The following TRPM4 variants were observed in gnomAD, a reference collection of about 807,000 sequenced individuals.
The protein encoded by TRPM4 is transient receptor potential cation channel subfamily M member 4, also known as calcium-activated non-selective cation channel 1.
Under a neutral mutation model 135.6 loss-of-function variants are expected in TRPM4, and 124 were observed. The observed-to-expected ratio is 0.91, with a 90% CI of 0.79 to 1.06. TRPM4 has a LOEUF of 1.06. Ranked by LOEUF, TRPM4 falls within the 50% of genes least tolerant of loss-of-function variation. The probability of loss-of-function intolerance (pLI) is 0.00; values close to 1 mark genes in which losing one functional copy is unlikely to be tolerated. For missense variants in TRPM4, 1,658 were observed against 1,671.4 expected (o/e 0.99, Z 0.14); for synonymous variants, 745 against 705.6 (o/e 1.06, Z -0.88).
At chr19:49,197,393 T>G (rs770463973) in intron 17 of TRPM4, among the ~76,000 whole-genome samples, 1 of 150,516 alleles carries the variant, frequency 6.6e-6, no homozygotes, top group Non-Finnish European at 1.5e-5. Flanking sequence ...CTTTCTCTTT[T>G]CTTTTCCTTT....
At chr19:49,185,363 C>T (rs1467680714) in intron 12 of TRPM4, among the ~76,000 whole-genome samples, 1 of 152,144 alleles carries the variant, frequency 6.6e-6, no homozygotes, top group Non-Finnish European at 1.5e-5. Context: ...ATCCTCCCAC[C>T]TCAGCCTCCT....
rs754161584 is a variant in TRPM4 at position 49,200,439 on chromosome 19, C to T, written c.2778+7C>T. 1 of 1,603,048 alleles carries T rather than the reference C, an allele frequency of 6.2e-7. No individual in the cohort carries two copies. The highest frequency in any genetic ancestry group is 8.5e-7 in the Non-Finnish European group (1 of 1,175,860). On this transcript the variant is annotated splice_region_variant and intron_variant, in intron 18 of 24. Transcript: ENST00000252826. ...CGTCATCGTGAGCAAGATGGTGAGG[C>T]AGGGGCGGGGCCAAAGTGGGCGGGG...
chr19:49,189,528 A>G (rs1447742943), intron 14 of TRPM4, among the ~76,000 whole-genome samples: 2 of 144,972 alleles, frequency 1.4e-5, no homozygotes, highest in Non-Finnish European at 3.0e-5. Flanking sequence ...GAATGGCCTC[A>G]CTGAACAATT....
At chr19:49,175,161 C>T (rs372299893) in intron 9 of TRPM4, among the ~76,000 whole-genome samples, 7 of 150,324 alleles carry the variant, frequency 4.7e-5, no homozygotes, top group South Asian at 4.2e-4. Context: ...CTGCAACCTC[C>T]GCCTCCCGGG....
intron 2 of TRPM4, among the ~76,000 whole-genome samples, chr19:49,163,027 T>C (rs943713654): frequency 6.6e-6 from 1 of 151,172 alleles, no homozygotes; most frequent in African/African-American, 2.4e-5. Flanking sequence ...CTCCCTAAGT[T>C]CTGGGATTAC....
chr19:49,197,493 TTCCTTCCTTCC>T (rs1968738369), intron 17 of TRPM4, among the ~76,000 whole-genome samples: 1 of 141,184 alleles, frequency 7.1e-6, no homozygotes, highest in Non-Finnish European at 1.5e-5. Flanking sequence ...CCTTCCTTCC[TTCCTTCCTTCC>T]TTCCTTCCTT....
Position 49,182,057 on chromosome 19 carries a change from TATCC to T in TRPM4, c.1264-489_1264-486del, listed in dbSNP as rs753427789. On this transcript the variant is annotated intron_variant, in intron 10 of 24. Transcript: ENST00000252826. ...CCATCCATTTGTCCATCCATCCATT[TATCC>T]ATCCATCCATCCATCCATCCATCCA... 6.1e-3 allele frequency among the ~76,000 whole-genome samples: 790 copies of T among 130,360 alleles called. 13 individuals carry two copies. The highest frequency in any genetic ancestry group is 0.026 in the South Asian group (100 of 3,788). The allele number at this position is 130,360 out of a possible 152,430, so 85.5% of individuals were successfully genotyped here.
chr19:49,206,968 G>A (rs376934415), intron 20 of TRPM4, among the ~76,000 whole-genome samples: 17 of 152,132 alleles, frequency 1.1e-4, no homozygotes, highest in African/African-American at 3.9e-4. Context: ...CATTGCGGGT[G>A]TGTAGAAACA....
At chr19:49,198,987 G>C (rs917951367) in intron 17 of TRPM4, among the ~76,000 whole-genome samples, 1 of 152,088 alleles carries the variant, frequency 6.6e-6, no homozygotes, top group African/African-American at 2.4e-5. Flanking sequence ...TTTTGACATG[G>C]ATAGATTTCC....
rs1253110977 is a variant in TRPM4, at chr19:49,199,597, T to TATAC, written c.2646-701_2646-700insACAT. On this transcript the variant is annotated intron_variant, in intron 17 of 24. Transcript: ENST00000252826. ...TTTAATTGGGGTTCATTGATTTGTA[T>TATAC]ATGTATAAATGTATATACTCCTTAT... is the stretch of plus-strand genomic sequence containing the variant. 6.6e-5 allele frequency among the ~76,000 whole-genome samples: 10 copies of TATAC among 152,142 alleles called. 1 individual carries two copies. Among genetic ancestry groups the TATAC allele is most frequent in the Admixed American group, 3.9e-4 (6 of 15,274 alleles).
At chr19:49,208,158 A>C (rs1302557949) in intron 20 of TRPM4, among the ~76,000 whole-genome samples, 1 of 152,146 alleles carries the variant, frequency 6.6e-6, no homozygotes, top group Non-Finnish European at 1.5e-5. Context: ...TGCTACTGCT[A>C]TCTAGAGGGC....
At chr19:49,161,755 G>A (rs1031436475) in intron 2 of TRPM4, among the ~76,000 whole-genome samples, 5 of 151,576 alleles carry the variant, frequency 3.3e-5, no homozygotes, top group Admixed American at 1.3e-4. Context: ...TCAGCCCCCC[G>A]AGTAGCTGGG....
chr19:49,176,517 A>T, intron 9 of TRPM4, among the ~76,000 whole-genome samples: 1 of 152,180 alleles, frequency 6.6e-6, no homozygotes, highest in East Asian at 1.9e-4. Flanking sequence ...TAGGGTAGAA[A>T]GAGCAAGTTA....
At chr19:49,191,287 C>G (rs865914298) in intron 16 of TRPM4, among the ~76,000 whole-genome samples, 10 of 150,894 alleles carry the variant, frequency 6.6e-5, no homozygotes, top group African/African-American at 2.4e-4. Context: ...CTCACTGCAG[C>G]CTCTGTTTCC....
At chr19:49,193,080 GTTT>G (rs1555758685) in intron 16 of TRPM4, among the ~76,000 whole-genome samples, 3 of 132,794 alleles carry the variant, frequency 2.3e-5, no homozygotes, top group African/African-American at 2.8e-5. Context: ...AAATCAGTTG[GTTT>G]TTTTTTTTTT....
intron 20 of TRPM4, among the ~76,000 whole-genome samples, chr19:49,202,790 A>T (rs995185474): frequency 1.3e-5 from 2 of 151,994 alleles, no homozygotes; most frequent in Non-Finnish European, 2.9e-5. Context: ...TCAGCCTCCC[A>T]AAGTGTTGGG....
chr19:49,203,731 G>T (rs1322063141), intron 20 of TRPM4, among the ~76,000 whole-genome samples: 8 of 152,124 alleles, frequency 5.3e-5, no homozygotes, highest in Non-Finnish European at 1.0e-4. Context: ...TTGGTGTCTG[G>T]CTGATTTTAC....
At chr19:49,195,163 G>A (rs567439525) in intron 16 of TRPM4, among the ~76,000 whole-genome samples, 1 of 152,004 alleles carries the variant, frequency 6.6e-6, no homozygotes, top group African/African-American at 2.4e-5. Context: ...GCTTCTTGGT[G>A]TACTCACAGA....
chr19:49,186,098 C>T (rs1968188076), intron 12 of TRPM4, among the ~76,000 whole-genome samples: 2 of 152,282 alleles, frequency 1.3e-5, no homozygotes, highest in South Asian at 4.1e-4. Context: ...GTATTCTTTG[C>T]ATGTGTGGCC....
Sources: gnomAD v4.1 joint callset for allele counts (sites outside exome capture counted in the v4.1 genomes callset) on GRCh38, gnomAD v4.1.1 for gene constraint, MANE v1.5 for transcripts, NCBI Gene and HGNC (gene_info 2026-07-23, HGNC 2026-07-21) for gene names.